Variants in TMEM108 observed in about 807,000 individuals in gnomAD.
TMEM108 encodes the protein transmembrane protein 108.
TMEM108 carries 12 observed loss-of-function variants against 35.1 expected under a neutral mutation model. That is an observed-to-expected ratio of 0.34 (90% CI 0.22 to 0.55). TMEM108 has a LOEUF of 0.55. TMEM108 is among the 20% of genes least tolerant of loss of function. The pLI is 0.89. For synonymous variants in TMEM108, 287 were observed against 308.6 expected (o/e 0.93, Z 0.73); for missense variants, 680 against 753.3 (o/e 0.90, Z 1.14).
At chr3:133,228,187 A>T (rs1576396595) in intron 2 of TMEM108, among the ~76,000 whole-genome samples, 1 of 105,800 alleles carries the variant, frequency 9.5e-6, no homozygotes, top group Non-Finnish European at 2.0e-5. Flanking sequence ...GTTATATCTC[A>T]GTAAAAAAAA....
intron 3 of TMEM108, among the ~76,000 whole-genome samples, chr3:133,368,161 G>A (rs147503214): frequency 1.3e-5 from 2 of 152,270 alleles, no homozygotes; most frequent in African/African-American, 4.8e-5. Context: ...CAAGCTCTGG[G>A]GATTCAGTGC....
chr3:133,235,474 A>G (rs58951698), intron 3 of TMEM108, among the ~76,000 whole-genome samples: 2,159 of 152,278 alleles, frequency 0.014, 62 homozygotes, highest in African/African-American at 0.05. Flanking sequence ...CTGATCTTTG[A>G]CAAACCTGAG....
At chr3:133,304,418 A>G (rs564951379) in intron 3 of TMEM108, among the ~76,000 whole-genome samples, 20 of 151,726 alleles carry the variant, frequency 1.3e-4, no homozygotes, top group Non-Finnish European at 2.6e-4. Context: ...TCATAAATGT[A>G]TGGGGTTATG....
At chr3:133,335,438 A>G (rs1450376797) in intron 3 of TMEM108, among the ~76,000 whole-genome samples, 1 of 152,262 alleles carries the variant, frequency 6.6e-6, no homozygotes, top group Admixed American at 6.5e-5. Context: ...GGATTGTTTT[A>G]TAAAAGTTGC....
intron 2 of TMEM108, among the ~76,000 whole-genome samples, chr3:133,061,502 C>T (rs1368993974): frequency 2.0e-5 from 3 of 152,058 alleles, no homozygotes; most frequent in African/African-American, 4.8e-5. Context: ...CATGAGCCAT[C>T]GTGCCCAGCC....
intron 2 of TMEM108, among the ~76,000 whole-genome samples, chr3:133,073,883 G>C (rs1943709174): frequency 6.6e-6 from 1 of 151,708 alleles, no homozygotes; most frequent in South Asian, 2.1e-4. Context: ...TTGTGGTTTT[G>C]ATCTGTATTT....
Position 133,380,250 on chromosome 3 carries a change from C to T in TMEM108, c.539C>T (p.Ser180Leu), listed in dbSNP as rs1302221015. Residue 180 changes from serine to leucine, a missense_variant, in exon 4 of 6, where the codon TCA (serine) becomes TTA (leucine). Ser to Leu is a moderately radical substitution (Grantham distance 145). Around this residue, in one of 3 missense-constraint regions of TMEM108, gnomAD observed 526 missense variants for 532.1 expected, o/e 0.99. Coordinates refer to ENST00000321871, the MANE Select transcript of TMEM108 (RefSeq NM_023943.4). This position sits in a 1 kb window ranked among gnomAD's most constrained non-coding sequence, Gnocchi z 5.3. ...GSSRKGAGNSSRPVPPAPGGH... is the reference protein window; with the variant it reads ...GSSRKGAGNSLRPVPPAPGGH... ...TCCCGAAAAGGGGCTGGTAATTCAT[C>T]ACGCCCTGTCCCGCCTGCACCTGGT... The T allele has an allele frequency of 1.9e-6, 3 of 1,613,910 alleles. No homozygotes were observed. Among genetic ancestry groups the T allele is most frequent in the Non-Finnish European group, 1.7e-6 (2 of 1,179,918 alleles).
intron 2 of TMEM108, among the ~76,000 whole-genome samples, chr3:133,180,081 G>A (rs1470618595): frequency 2.0e-5 from 3 of 152,070 alleles, no homozygotes; most frequent in Non-Finnish European, 4.4e-5. Flanking sequence ...ATATATTCTA[G>A]TATTTCAAGT....
rs930108559 is a variant in TMEM108, at chr3:133,241,848, C to T, written c.40+12497C>T. On this transcript the variant is annotated intron_variant, in intron 3 of 5. Coordinates refer to ENST00000321871, the MANE Select transcript of TMEM108 (RefSeq NM_023943.4). The stretch of plus-strand genomic sequence containing the variant: ...AAGCTGGTCTCAAACTCCTGACCTT[C>T]GGTAATCCACCTGCCACAGCCTCCC... Among the ~76,000 whole-genome samples, 12 of 151,998 alleles carry T rather than the reference C, an allele frequency of 7.9e-5. 1 individual carries two copies. The South Asian group carries it at 8.3e-4, about 11-fold the overall frequency.
chr3:133,256,831 C>A (rs1352027331), intron 3 of TMEM108, among the ~76,000 whole-genome samples: 1 of 152,176 alleles, frequency 6.6e-6, no homozygotes, highest in African/African-American at 2.4e-5. Context: ...TGTAAATGGA[C>A]CAAACTAGCC....
At chr3:133,184,922 A>T (rs1167806832) in intron 2 of TMEM108, among the ~76,000 whole-genome samples, 1 of 152,248 alleles carries the variant, frequency 6.6e-6, no homozygotes, top group Non-Finnish European at 1.5e-5. Context: ...CATCTTTTTA[A>T]TTGTATTTAG....
At chr3:133,066,539 C>A (rs543674492) in intron 2 of TMEM108, among the ~76,000 whole-genome samples, 1 of 151,976 alleles carries the variant, frequency 6.6e-6, no homozygotes, top group Non-Finnish European at 1.5e-5. Context: ...ATATATGAAG[C>A]GTTGGGCATC....
rs888869296 is a variant in TMEM108, at chr3:133,229,479, T to C, written c.40+128T>C. ...GAAAGAGGACAGTAAAGTTTCACTCTGCTTCATCTAGATGAAGTATCAAGC... is the reference window on the plus strand; with the variant it reads ...GAAAGAGGACAGTAAAGTTTCACTCCGCTTCATCTAGATGAAGTATCAAGC... On this transcript the variant is annotated intron_variant, in intron 3 of 5. Coordinates refer to ENST00000321871, the MANE Select transcript of TMEM108 (RefSeq NM_023943.4). 8.5e-6 allele frequency: 6 copies of C among 702,086 alleles called. 1 individual carries two copies. The East Asian group carries it at 1.5e-4, about 17-fold the overall frequency. The allele number at this position is 702,086 out of a possible 1,614,324, so 43.5% of individuals were successfully genotyped here.
chr3:133,368,874 G>C (rs1214721082), intron 3 of TMEM108, among the ~76,000 whole-genome samples: 1 of 152,166 alleles, frequency 6.6e-6, no homozygotes, highest in Non-Finnish European at 1.5e-5. Flanking sequence ...CTCCGTTCAA[G>C]AACTCACAGC....
In TMEM108 at chr3:133,380,194, C is replaced by T; in HGVS notation, c.483C>T (p.Thr161=). ...CCACCACAGCGCCCCCCCGCACTAC[C>T]ACACGCAGGCCCCCCAGGCCCCCAG... ...SRPTTAPPRT[T]TRRPPRPPGS... is the part of the protein sequence containing the mutation. Residue 161 remains threonine (T), a synonymous_variant, in exon 4 of 6, where the codon ACC becomes ACT. Coordinates refer to ENST00000321871, the MANE Select transcript of TMEM108 (RefSeq NM_023943.4). The surrounding 1 kb of genome is among the most constrained non-coding windows in gnomAD (Gnocchi z 5.3). The T allele has an allele frequency of 2.5e-6, 4 of 1,611,558 alleles. No homozygotes were observed. Among genetic ancestry groups the T allele is most frequent in the Non-Finnish European group, 3.4e-6 (4 of 1,178,684 alleles).
chr3:133,192,940 A>ATG (rs1433962914), intron 2 of TMEM108: 1 of 149,236 alleles, frequency 6.7e-6, no homozygotes, highest in African/African-American at 2.6e-5. Context: ...GTGTGCGTGC[A>ATG]TGTGTGTGTA....
intron 2 of TMEM108, among the ~76,000 whole-genome samples, chr3:133,166,590 T>G (rs1945041275): frequency 6.6e-6 from 1 of 152,166 alleles, no homozygotes. Context: ...ACCTTCGCAG[T>G]GAGTGTTACA....
intron 1 of TMEM108, among the ~76,000 whole-genome samples, chr3:133,040,326 C>A (rs1330312328): frequency 1.3e-5 from 2 of 151,610 alleles, no homozygotes; most frequent in South Asian, 2.1e-4. Context: ...GCCTCAGCCT[C>A]CCGAGTAGCT....
intron 2 of TMEM108, among the ~76,000 whole-genome samples, chr3:133,184,003 A>C (rs1420560891): frequency 1.3e-5 from 2 of 152,314 alleles, no homozygotes; most frequent in Non-Finnish European, 2.9e-5. Context: ...GAACAAGGGC[A>C]TTACTGCAGG....
Sources: gnomAD v4.1 joint callset for allele counts (sites outside exome capture counted in the v4.1 genomes callset) on GRCh38, gnomAD v4.1.1 for gene constraint, gnomAD v4.1.1 regional missense constraint, Gnocchi (gnomAD v3.1) non-coding constraint, MANE v1.5 for transcripts, NCBI Gene and HGNC (gene_info 2026-07-23, HGNC 2026-07-21) for gene names.